Variants in SLC1A1 observed in about 807,000 individuals in gnomAD.
SLC1A1 encodes excitatory amino acid transporter 3.
SLC1A1 carries 43 observed loss-of-function variants against 53.3 expected under a neutral mutation model. The ratio of observed to expected loss-of-function variants is 0.81; its 90% CI spans 0.63 to 1.04. The LOEUF (loss-of-function observed/expected upper bound fraction) is 1.04. Among genes scored for constraint, SLC1A1 ranks in the 50% least tolerant of loss-of-function variants. The pLI, the probability that SLC1A1 is intolerant of heterozygous loss-of-function variation, is 0.00. For missense variants in SLC1A1, 748 were observed against 664.9 expected, an observed-to-expected ratio of 1.12 and a Z score of -1.37; for synonymous variants, 307 against 243.2, an observed-to-expected ratio of 1.26 and a Z score of -2.44.
chr9:4,552,730 G>A (rs1420869704), intron 2 of SLC1A1, among the ~76,000 whole-genome samples: 1 of 151,826 alleles, frequency 6.6e-6, no homozygotes, highest in African/African-American at 2.4e-5. Flanking sequence ...TGGATTAGCT[G>A]TGAAACCTTG....
At chr9:4,551,080 T>C (rs146508631) in intron 2 of SLC1A1, among the ~76,000 whole-genome samples, 1 of 151,844 alleles carries the variant, frequency 6.6e-6, no homozygotes, top group African/African-American at 2.4e-5. Flanking sequence ...AGGCAAGGAG[T>C]ATGAATGCAC....
At chr9:4,544,880 G>A (rs1272380283) in intron 2 of SLC1A1, among the ~76,000 whole-genome samples, 173 bp downstream of exon 2, 3 of 152,204 alleles carry the variant, frequency 2.0e-5, no homozygotes, top group Non-Finnish European at 4.4e-5. Context: ...GGGGAAGCAA[G>A]ACAACCTCCT....
At chr9:4,497,769 T>G (rs988999615) in intron 1 of SLC1A1, among the ~76,000 whole-genome samples, 1 of 152,148 alleles carries the variant, frequency 6.6e-6, no homozygotes, top group African/African-American at 2.4e-5. Flanking sequence ...AAAAATAAAA[T>G]GAGGCCATAA....
At position 4,583,156 on chromosome 9, in the gene SLC1A1, G is replaced by T; in HGVS notation, c.1312G>T (p.Ala438Ser). Residue 438 changes from alanine (A) to serine (S), a missense_variant, in exon 11 of 12, where the codon GCT becomes TCT. Coordinates refer to ENST00000262352, the MANE Select transcript of SLC1A1 (RefSeq NM_004170.6). The surrounding 1 kb of genome is among the most constrained non-coding windows in gnomAD (Gnocchi z 4.6). Reference protein sequence around the residue: ...LPAEDVTLIIAVDWLLDRFRT... With the variant: ...LPAEDVTLIISVDWLLDRFRT... ...CGCCGAGGATGTCACCCTGATCATT[G>T]CTGTCGACTGGCTCCTGTGAGTTGG... is the stretch of plus-strand genomic sequence containing the variant. The T allele has an allele frequency of 6.2e-7, 1 of 1,614,226 alleles. No homozygotes were observed.
chr9:4,576,800 A>G (rs1331163464), intron 10 of SLC1A1, 37 bp downstream of exon 10: 1 of 1,555,738 alleles, frequency 6.4e-7, no homozygotes, highest in East Asian at 2.2e-5. Flanking sequence ...CATCACTGAT[A>G]CAGGGATTAC....
intron 6 of SLC1A1, among the ~76,000 whole-genome samples, chr9:4,570,710 A>G (rs1478336682): frequency 6.6e-6 from 1 of 152,102 alleles, no homozygotes; most frequent in Non-Finnish European, 1.5e-5. Flanking sequence ...CCACTCAGTT[A>G]TCTCTCTGTA....
intron 2 of SLC1A1, among the ~76,000 whole-genome samples, chr9:4,552,958 G>C (rs988883102): frequency 3.3e-5 from 5 of 151,816 alleles, no homozygotes; most frequent in Admixed American, 6.6e-5. Flanking sequence ...CTGGAAATGA[G>C]AACAATATAA....
intron 1 of SLC1A1, among the ~76,000 whole-genome samples, chr9:4,525,617 A>T (rs1253638409): frequency 2.6e-5 from 4 of 152,206 alleles, no homozygotes; most frequent in Admixed American, 6.5e-5. Context: ...AACAGGTGGA[A>T]TAGAAACTAG....
At chr9:4,512,982 G>A (rs1821047029) in intron 1 of SLC1A1, among the ~76,000 whole-genome samples, 1 of 152,020 alleles carries the variant, frequency 6.6e-6, no homozygotes, top group African/African-American at 2.4e-5. Flanking sequence ...GCAAAGGATA[G>A]TCTTTCCAAC....
chr9:4,528,895 G>C (rs1403984054), intron 1 of SLC1A1, among the ~76,000 whole-genome samples: 5 of 151,940 alleles, frequency 3.3e-5, no homozygotes, highest in Non-Finnish European at 7.4e-5. Flanking sequence ...CTTCCCCTCA[G>C]TGTCCCATCC....
intron 1 of SLC1A1, among the ~76,000 whole-genome samples, chr9:4,532,793 A>C: frequency 6.6e-6 from 1 of 152,168 alleles, no homozygotes; most frequent in East Asian, 1.9e-4. Context: ...GAAGGAAAAA[A>C]TGTTAAGGGC....
rs1564008510 is a variant in SLC1A1 at position 4,526,796 on chromosome 9, A to ATAAAT, written c.92-17769_92-17768insAATTA. 2.0e-4 allele frequency among the ~76,000 whole-genome samples: 30 copies of ATAAAT among 151,510 alleles called. No homozygotes were observed. The East Asian group carries it at 4.5e-3, about 23-fold the overall frequency. On this transcript the variant is annotated intron_variant, in intron 1 of 11. Transcript: ENST00000262352. Reference sequence around the variant, plus strand: ...GTTTGGTTGTAGTAAGGGATCTACAATAGTTGTAGTAGGCAGTTCTGAGAC... The same window carrying ATAAAT: ...GTTTGGTTGTAGTAAGGGATCTACAATAAATTAGTTGTAGTAGGCAGTTCTGAGAC...
At chr9:4,564,114 C>T (rs1214564666) in intron 3 of SLC1A1, among the ~76,000 whole-genome samples, 2 of 152,176 alleles carry the variant, frequency 1.3e-5, no homozygotes, top group Non-Finnish European at 2.9e-5. Context: ...CACAGACGCA[C>T]ACGCACGCAC....
At chr9:4,509,251 G>T (rs1013282477) in intron 1 of SLC1A1, among the ~76,000 whole-genome samples, 1 of 152,182 alleles carries the variant, frequency 6.6e-6, no homozygotes, top group Admixed American at 6.5e-5. Context: ...TGCTGGGATT[G>T]GGGGGTGAGA....
chr9:4,559,495 T>G (rs1401981562), intron 2 of SLC1A1, among the ~76,000 whole-genome samples: 1 of 152,140 alleles, frequency 6.6e-6, no homozygotes, highest in East Asian at 1.9e-4. Flanking sequence ...ATTTTCTTCC[T>G]GTACATCAAA....
intron 2 of SLC1A1, among the ~76,000 whole-genome samples, chr9:4,545,189 G>GTCTCTCTCTTTCTCTC (rs1554681240): frequency 1.1e-4 from 14 of 130,906 alleles, no homozygotes; most frequent in Non-Finnish European, 2.1e-4. Context: ...TACATTAGAT[G>GTCTCTCTCTTTCTCTC]TCTCTCTCTC....
At chr9:4,497,824 G>T (rs905490237) in intron 1 of SLC1A1, among the ~76,000 whole-genome samples, 2 of 152,036 alleles carry the variant, frequency 1.3e-5, no homozygotes, top group East Asian at 1.9e-4. Flanking sequence ...TTTTAAAAAA[G>T]TATATCTGAT....
chr9:4,566,223 C>A, intron 5 of SLC1A1, 134 bp downstream of exon 5: 3 of 814,264 alleles, frequency 3.7e-6, no homozygotes, highest in Non-Finnish European at 6.4e-6. Context: ...CTGTGACTGG[C>A]CAAGTTTAAG....
intron 7 of SLC1A1, among the ~76,000 whole-genome samples, chr9:4,573,227 A>C (rs916214580): frequency 6.6e-5 from 10 of 152,178 alleles, no homozygotes; most frequent in Non-Finnish European, 1.5e-4. Flanking sequence ...CGCTTACCTC[A>C]TATTTAATTT....
Sources: gnomAD v4.1 joint callset for allele counts (sites outside exome capture counted in the v4.1 genomes callset) on GRCh38, gnomAD v4.1.1 for gene constraint, Gnocchi (gnomAD v3.1) non-coding constraint, MANE v1.5 for transcripts, NCBI Gene and HGNC (gene_info 2026-07-23, HGNC 2026-07-21) for gene names.